The following NPEPPS variants were observed in gnomAD, a reference collection of about 807,000 sequenced individuals.
NPEPPS encodes puromycin-sensitive aminopeptidase.
Under a neutral mutation model 115.5 loss-of-function variants are expected in NPEPPS, and 14 were observed. The ratio of observed to expected loss-of-function variants is 0.12; its 90% CI spans 0.08 to 0.19. The LOEUF is 0.19. Among genes scored for constraint, NPEPPS ranks in the 10% least tolerant of loss-of-function variants. The probability of loss-of-function intolerance (pLI) is 1.00; values close to 1 mark genes in which losing one functional copy is unlikely to be tolerated. For synonymous variants in NPEPPS, 285 were observed against 390.6 expected, an observed-to-expected ratio of 0.73 and a Z score of 3.19; for missense variants, 523 against 1,110.8, an observed-to-expected ratio of 0.47 and a Z score of 7.52.
At chr17:47,563,503 A>G (rs1417682861) in intron 2 of NPEPPS, among the ~76,000 whole-genome samples, 4 of 152,202 alleles carry the variant, frequency 2.6e-5, no homozygotes, top group Middle Eastern at 3.2e-3. Flanking sequence ...GCTGTTATAT[A>G]TATGTATATA....
chr17:47,554,481 C>T (rs1909870590), intron 2 of NPEPPS, among the ~76,000 whole-genome samples: 1 of 152,130 alleles, frequency 6.6e-6, no homozygotes, highest in Non-Finnish European at 1.5e-5. Context: ...CCTGCTTCAG[C>T]CTCCCAGTTA....
Position 47,612,469 on chromosome 17 carries a change from A to C in NPEPPS, c.2105A>C (p.Asp702Ala). Residue 702 changes from aspartate to alanine, a missense_variant, in exon 18 of 23, where the codon GAT (aspartate) becomes GCT (alanine). By Grantham distance (126) the Asp-to-Ala change is moderately radical (BLOSUM62 -2). Transcript: ENST00000322157. The part of the protein sequence containing the change: ...WDPKPGEGHL[D>A]ALLRGLVLGK... ...TTACTTCTCAAATCAGGTCATCTCG[A>C]TGCACTCCTGAGGGGCTTGGTTCTG... The C allele has an allele frequency of 6.2e-7, 1 of 1,613,762 alleles. No homozygotes were observed. The highest frequency in any genetic ancestry group is 8.5e-7 in the Non-Finnish European group (1 of 1,179,834).
chr17:47,612,378 A>C, intron 17 of NPEPPS, 82 bp from the exon 18 acceptor site: 1 of 1,428,792 alleles, frequency 7.0e-7, no homozygotes, highest in South Asian at 1.2e-5. Flanking sequence ...TTGGTATAGC[A>C]CAATTATAAG....
At chr17:47,572,284 G>A (rs2143811457) in intron 3 of NPEPPS, among the ~76,000 whole-genome samples, 1 of 152,234 alleles carries the variant, frequency 6.6e-6, no homozygotes, top group African/African-American at 2.4e-5. Flanking sequence ...ATTTCTGTAT[G>A]ATGGTGGTAT....
chr17:47,608,378 T>C (rs1286384776), intron 17 of NPEPPS, among the ~76,000 whole-genome samples: 2 of 137,430 alleles, frequency 1.5e-5, no homozygotes, highest in East Asian at 2.2e-4. Context: ...TCACTTGAAC[T>C]GGGAGGCAGA....
At position 47,538,497 on chromosome 17, in the gene NPEPPS, A is replaced by AACC. The variant is rs533242768; in HGVS notation, c.255+6946_255+6948dup. On this transcript the variant is annotated intron_variant, in intron 1 of 22. Transcript: ENST00000322157. Reference sequence around the variant, plus strand: ...CTAAAGTGCTGGGATTACAGGCATGAACCACCGCGCCTAGTCCATATCTGT... The same window carrying AACC: ...CTAAAGTGCTGGGATTACAGGCATGAACCACCACCGCGCCTAGTCCATATCTGT... Among the ~76,000 whole-genome samples the AACC allele has an allele frequency of 5.3e-3, 794 of 149,074 alleles. 11 individuals are homozygous for AACC. The highest frequency in any genetic ancestry group is 0.017 in the African/African-American group (699 of 40,498).
At chr17:47,549,470 A>G (rs1292320462) in intron 2 of NPEPPS, among the ~76,000 whole-genome samples, 2 of 152,044 alleles carry the variant, frequency 1.3e-5, no homozygotes, top group East Asian at 3.9e-4. Context: ...GGGAAGTTGT[A>G]TGAGTTGTTA....
At chr17:47,585,880 TA>T (rs1912146904) in intron 6 of NPEPPS, 180 bp downstream of exon 6, 1 of 628,984 alleles carries the variant, frequency 1.6e-6, no homozygotes, top group African/African-American at 1.8e-5. Context: ...TACAAAATAA[TA>T]ATTAAGAGAA....
At chr17:47,601,838 A>T in intron 15 of NPEPPS, 91 bp downstream of exon 15, 1 of 949,454 alleles carries the variant, frequency 1.1e-6, no homozygotes, top group Non-Finnish European at 1.5e-6. Context: ...AGTTTCAAAG[A>T]AAAAAAAAAA....
At chr17:47,608,243 T>G (rs1011256441) in intron 17 of NPEPPS, among the ~76,000 whole-genome samples, 2 of 151,924 alleles carry the variant, frequency 1.3e-5, no homozygotes, top group Non-Finnish European at 2.9e-5. Flanking sequence ...ACATCTGAGG[T>G]CAGGAGTTTT....
intron 3 of NPEPPS, among the ~76,000 whole-genome samples, chr17:47,573,033 C>T (rs1911295448): frequency 6.6e-6 from 1 of 152,194 alleles, no homozygotes; most frequent in Non-Finnish European, 1.5e-5. Context: ...ACTTCGGCCT[C>T]TCAAAGTGCT....
At chr17:47,542,737 G>A (rs1005265962) in intron 1 of NPEPPS, among the ~76,000 whole-genome samples, 1 of 151,974 alleles carries the variant, frequency 6.6e-6, no homozygotes, top group Non-Finnish European at 1.5e-5. Flanking sequence ...GGGCATCTGT[G>A]TTTTTGTTAT....
At position 47,599,384 on chromosome 17, in the gene NPEPPS, T is replaced by A. The variant is rs113462414; in HGVS notation, c.1537-292T>A. Among the ~76,000 whole-genome samples the A allele has an allele frequency of 7.2e-3, 1,090 of 152,360 alleles. 8 individuals are homozygous for A. The highest frequency in any genetic ancestry group is 0.022 in the African/African-American group (895 of 41,588). ...GATTTAGGTGATCTTAAGTCTGTGT[T>A]ATTTGAAATCCAGGATGTGGTAACT... On this transcript the variant is annotated intron_variant, in intron 13 of 22. Coordinates refer to ENST00000322157, the MANE Select transcript of NPEPPS (RefSeq NM_006310.4).
intron 12 of NPEPPS, among the ~76,000 whole-genome samples, chr17:47,594,179 A>G (rs1912692150): frequency 4.6e-5 from 7 of 152,136 alleles, no homozygotes; most frequent in Admixed American, 4.6e-4. Context: ...CTACACCTGA[A>G]TGCAGCTTAT....
chr17:47,567,384 TAAAAG>T (rs1383877310), intron 2 of NPEPPS, among the ~76,000 whole-genome samples: 1 of 152,162 alleles, frequency 6.6e-6, no homozygotes, highest in African/African-American at 2.4e-5. Context: ...GGGTGATTCA[TAAAAG>T]AAAGGAAGAA....
intron 1 of NPEPPS, among the ~76,000 whole-genome samples, chr17:47,531,935 A>G (rs1907812524): frequency 6.6e-6 from 1 of 151,764 alleles, no homozygotes; most frequent in Admixed American, 6.6e-5. Context: ...TTGGGGGAGG[A>G]CGGAGAGGTC....
Position 47,622,493 on chromosome 17 carries a change from G to T in NPEPPS, c.*573G>T. ...CCTGCATAACTCAATCTGAACCAAG[G>T]ATTGTAGTTTAGTTTTCCTCCTTGC... On this transcript the variant is annotated 3_prime_UTR_variant, in exon 23 of 23. Coordinates refer to ENST00000322157, the MANE Select transcript of NPEPPS (RefSeq NM_006310.4). The T allele has an allele frequency of 4.4e-6, 1 of 228,100 alleles. No homozygotes were observed. Among genetic ancestry groups the T allele is most frequent in the Non-Finnish European group, 8.6e-6 (1 of 116,780 alleles). 14.1% of individuals were successfully genotyped at this position (228,100 alleles called of 1,614,324 possible).
intron 2 of NPEPPS, among the ~76,000 whole-genome samples, chr17:47,565,862 A>T (rs1773478592): frequency 6.6e-6 from 1 of 152,116 alleles, no homozygotes; most frequent in South Asian, 2.1e-4. Flanking sequence ...TGAATGACAT[A>T]AAGTGTTTAG....
At position 47,622,174 on chromosome 17, in the gene NPEPPS, G is replaced by A; in HGVS notation, c.*254G>A. 1.1e-6 allele frequency: 1 copy of A among 898,228 alleles called. No homozygotes were observed. The highest frequency in any genetic ancestry group is 1.4e-6 in the Non-Finnish European group (1 of 709,786). The allele number at this position is 898,228 out of a possible 1,614,324, so 55.6% of individuals were successfully genotyped here. The stretch of plus-strand genomic sequence containing the variant: ...TGATAGTAATAAAATAGAGCATAAC[G>A]AAACTGTGAAACTTTCTGAAGCCTT... On this transcript the variant is annotated 3_prime_UTR_variant, in exon 23 of 23. Transcript: ENST00000322157.
Sources: allele counts gnomAD v4.1 joint callset (sites outside exome capture counted in the v4.1 genomes callset), GRCh38; gene constraint gnomAD v4.1.1; transcripts MANE v1.5; gene names NCBI Gene and HGNC (gene_info 2026-07-23, HGNC 2026-07-21).